MCTP1: variants seen among roughly 807,000 people sequenced by gnomAD.
MCTP1 encodes multiple C2 and transmembrane domain-containing protein 1.
A neutral mutation model predicts 120.6 loss-of-function variants in MCTP1; 69 were observed. That is an observed-to-expected ratio of 0.57 (90% CI 0.47 to 0.70). MCTP1 has a LOEUF of 0.70. Ranked by LOEUF, MCTP1 falls within the 30% of genes least tolerant of loss-of-function variation. The pLI is 0.00. For missense variants in MCTP1, 1,203 were observed against 1,248.8 expected, an observed-to-expected ratio of 0.96 and a Z score of 0.55; for synonymous variants, 529 against 493.1, an observed-to-expected ratio of 1.07 and a Z score of -0.96.
chr5:95,246,245 G>A (rs1756768436), intron 1 of MCTP1, among the ~76,000 whole-genome samples: 1 of 152,140 alleles, frequency 6.6e-6, no homozygotes, highest in Non-Finnish European at 1.5e-5. Flanking sequence ...AAAGACCATT[G>A]ACGCTATGAA....
chr5:94,903,012 A>C (rs1239706774), intron 10 of MCTP1, among the ~76,000 whole-genome samples: 1 of 152,200 alleles, frequency 6.6e-6, no homozygotes, highest in Non-Finnish European at 1.5e-5. Flanking sequence ...TAACTCATGA[A>C]AGAAAAGGGA....
intron 2 of MCTP1, among the ~76,000 whole-genome samples, chr5:94,971,553 G>A (rs1826877882): frequency 6.6e-6 from 1 of 152,142 alleles, no homozygotes; most frequent in Non-Finnish European, 1.5e-5. Context: ...ACTAGTGGAT[G>A]CTTCTATAAT....
intron 19 of MCTP1, among the ~76,000 whole-genome samples, chr5:94,729,052 C>A (rs894798754): frequency 4.6e-5 from 7 of 152,110 alleles, no homozygotes; most frequent in African/African-American, 1.7e-4. Flanking sequence ...AATGAAGAGA[C>A]CTGAAATGGG....
intron 1 of MCTP1, among the ~76,000 whole-genome samples, chr5:95,108,121 C>G (rs1461229305): frequency 6.6e-6 from 1 of 152,172 alleles, no homozygotes; most frequent in African/African-American, 2.4e-5. Context: ...AATCTGTGCT[C>G]GGCATTCTCC....
chr5:95,131,449 G>A (rs1461194558), intron 1 of MCTP1, among the ~76,000 whole-genome samples: 2 of 152,158 alleles, frequency 1.3e-5, no homozygotes, highest in African/African-American at 4.8e-5. Context: ...AAAAGATTGT[G>A]AGAGTTAATA....
At chr5:94,761,600 G>A (rs762106688) in intron 19 of MCTP1, among the ~76,000 whole-genome samples, 1 of 152,174 alleles carries the variant, frequency 6.6e-6, no homozygotes, top group East Asian at 1.9e-4. Context: ...CTCTTGGGAG[G>A]CAATAGGCTC....
chr5:94,870,602 G>C, intron 15 of MCTP1, 111 bp from the exon 16 acceptor site: 1 of 826,680 alleles, frequency 1.2e-6, no homozygotes, highest in Non-Finnish European at 2.0e-6. Flanking sequence ...CCTGGCTGCT[G>C]TGCTCATAAA....
intron 17 of MCTP1, among the ~76,000 whole-genome samples, chr5:94,842,556 GA>G (rs950399913): frequency 2.0e-5 from 3 of 151,984 alleles, no homozygotes; most frequent in South Asian, 2.1e-4. Context: ...TATGTTTGGG[GA>G]AAAAATCATC....
intron 1 of MCTP1, among the ~76,000 whole-genome samples, chr5:95,094,840 T>C (rs980973045): frequency 1.3e-5 from 2 of 152,064 alleles, no homozygotes; most frequent in Non-Finnish European, 2.9e-5. Flanking sequence ...TTTCTGTTAA[T>C]ATACCAGATT....
chr5:95,201,512 T>C (rs1293901270), intron 1 of MCTP1, among the ~76,000 whole-genome samples: 1 of 76,266 alleles, frequency 1.3e-5, no homozygotes, highest in Non-Finnish European at 2.5e-5. Context: ...TTTTTTTTTT[T>C]TTTTTTTTTT....
intron 1 of MCTP1, among the ~76,000 whole-genome samples, chr5:95,115,450 A>G (rs1051403291): frequency 6.6e-6 from 1 of 152,068 alleles, no homozygotes; most frequent in Non-Finnish European, 1.5e-5. Flanking sequence ...ATTTAAAAGA[A>G]TCAAGCAGAA....
chr5:95,088,430 A>G (rs979555684), intron 1 of MCTP1, among the ~76,000 whole-genome samples: 2 of 152,234 alleles, frequency 1.3e-5, no homozygotes, highest in Admixed American at 6.5e-5. Context: ...TATGTTTGTA[A>G]TCATTGGCAC....
At chr5:95,274,622 C>CTCTTTT (rs1562295230) in intron 1 of MCTP1, among the ~76,000 whole-genome samples, 1 of 35,018 alleles carries the variant, frequency 2.9e-5, no homozygotes, top group African/African-American at 2.1e-4. Context: ...CCAATTACTG[C>CTCTTTT]TTTCTTTTTT....
At chr5:95,238,860 A>G (rs1219408599) in intron 1 of MCTP1, among the ~76,000 whole-genome samples, 1 of 152,196 alleles carries the variant, frequency 6.6e-6, no homozygotes, top group Non-Finnish European at 1.5e-5. Flanking sequence ...CACACCGCGT[A>G]TATGCAGCAC....
intron 1 of MCTP1, among the ~76,000 whole-genome samples, chr5:95,033,950 A>G (rs1840768750): frequency 6.6e-6 from 1 of 152,018 alleles, no homozygotes; most frequent in Non-Finnish European, 1.5e-5. Flanking sequence ...AACAAAAGTA[A>G]GAACTCAATC....
At chr5:95,119,362 A>C (rs1225925694) in intron 1 of MCTP1, among the ~76,000 whole-genome samples, 4 of 152,180 alleles carry the variant, frequency 2.6e-5, no homozygotes, top group Non-Finnish European at 5.9e-5. Flanking sequence ...ACAACCTACC[A>C]AAACCTATGG....
chr5:94,744,231 C>T (rs1766335532), intron 19 of MCTP1, among the ~76,000 whole-genome samples: 1 of 152,312 alleles, frequency 6.6e-6, no homozygotes, highest in Middle Eastern at 3.4e-3. Context: ...ACCTTGGCCT[C>T]CCAAAGTGCT....
At chr5:95,086,489 A>C (rs898908760) in intron 1 of MCTP1, among the ~76,000 whole-genome samples, 2 of 152,234 alleles carry the variant, frequency 1.3e-5, no homozygotes, top group Non-Finnish European at 2.9e-5. Flanking sequence ...TGTGGATAGA[A>C]TATGTTATAA....
rs1489378181 is a variant in MCTP1, at chr5:95,219,931, G to T, written c.720+63925C>A. On this transcript the variant is annotated intron_variant, in intron 1 of 22. Coordinates refer to ENST00000515393, the MANE Select transcript of MCTP1 (RefSeq NM_024717.7). Reference sequence around the variant, plus strand: ...AAAAATCAATGAGAAGTTCTGTTAGGTCCTACAAATTCTTTTGGATGATCA... The same window carrying T: ...AAAAATCAATGAGAAGTTCTGTTAGTTCCTACAAATTCTTTTGGATGATCA... 3.9e-5 allele frequency among the ~76,000 whole-genome samples: 6 copies of T among 152,210 alleles called. No individual in the cohort carries two copies. In the East Asian group the frequency reaches 1.2e-3, roughly 29 times the overall value.
Sources: gnomAD v4.1 joint callset for allele counts (sites outside exome capture counted in the v4.1 genomes callset) on GRCh38, gnomAD v4.1.1 for gene constraint, MANE v1.5 for transcripts, NCBI Gene and HGNC (gene_info 2026-07-23, HGNC 2026-07-21) for gene names.